The following KDM2A variants were observed in gnomAD, a reference collection of about 807,000 sequenced individuals.
The protein encoded by KDM2A is lysine demethylase 2A, also known as lysine-specific demethylase 2A.
A neutral mutation model predicts 137.3 loss-of-function variants in KDM2A; 3 were observed. The ratio of observed to expected loss-of-function variants is 0.02; its 90% CI spans 0.01 to 0.06. The LOEUF is 0.06. Among genes scored for constraint, KDM2A ranks in the 10% least tolerant of loss-of-function variants. The pLI is 1.00. For missense variants in KDM2A, 738 were observed against 1,510.6 expected (o/e 0.49, Z 8.48); for synonymous variants, 512 against 541.5 (o/e 0.95, Z 0.76).
At chr11:67,247,072 T>TATAA (rs1491570916) in intron 15 of KDM2A, among the ~76,000 whole-genome samples, 7 of 18,342 alleles carry the variant, frequency 3.8e-4, no homozygotes, top group East Asian at 3.1e-3. Flanking sequence ...TATATATATA[T>TATAA]TTTTTTTTTT....
intron 2 of KDM2A, among the ~76,000 whole-genome samples, chr11:67,140,365 CA>C (rs371166964): frequency 0.018 from 2,630 of 147,432 alleles, 72 homozygotes; most frequent in African/African-American, 0.061. Context: ...GATCTTGTCT[CA>C]AAAAAAAAAT....
intron 2 of KDM2A, among the ~76,000 whole-genome samples, chr11:67,166,406 G>A (rs1023938499): frequency 9.9e-5 from 15 of 151,946 alleles, no homozygotes; most frequent in East Asian, 3.9e-4. Flanking sequence ...GGCTGGTCTC[G>A]AACTCCTGAC....
chr11:67,166,219 C>CT (rs1416885304), intron 2 of KDM2A, among the ~76,000 whole-genome samples: 26 of 145,886 alleles, frequency 1.8e-4, no homozygotes, highest in Non-Finnish European at 3.0e-4. Flanking sequence ...CAGTCTCACT[C>CT]TATCGCCTAG....
At chr11:67,184,339 C>G (rs1257009976) in intron 5 of KDM2A, among the ~76,000 whole-genome samples, 2 of 151,742 alleles carry the variant, frequency 1.3e-5, no homozygotes, top group East Asian at 1.9e-4. Context: ...ACTAAAAATA[C>G]AAAAATTAGG....
intron 6 of KDM2A, among the ~76,000 whole-genome samples, chr11:67,208,857 T>C (rs1346374708): frequency 6.6e-6 from 1 of 151,838 alleles, no homozygotes; most frequent in Admixed American, 6.6e-5. Flanking sequence ...GACAGGAGAA[T>C]TGCTTGAGGC....
At chr11:67,140,802 C>G (rs1856083103) in intron 2 of KDM2A, among the ~76,000 whole-genome samples, 2 of 151,976 alleles carry the variant, frequency 1.3e-5, no homozygotes, top group African/African-American at 4.8e-5. Flanking sequence ...ATTAACCTTT[C>G]TGTCTCTAGT....
intron 2 of KDM2A, among the ~76,000 whole-genome samples, chr11:67,141,676 AAAAAAAAT>A (rs1856101842): frequency 1.3e-5 from 1 of 76,534 alleles, no homozygotes; most frequent in Non-Finnish European, 2.3e-5. Flanking sequence ...AAAAAAAAAA[AAAAAAAAT>A]ATATATATAT....
chr11:67,153,226 C>T (rs1254470651), intron 2 of KDM2A, among the ~76,000 whole-genome samples: 1 of 152,062 alleles, frequency 6.6e-6, no homozygotes, highest in Non-Finnish European at 1.5e-5. Flanking sequence ...ATTGGGTGAT[C>T]GACCCGCCTC....
Position 67,141,627 on chromosome 11 carries a change from A to G in KDM2A, c.42+20269A>G, listed in dbSNP as rs1590716277. Among the ~76,000 whole-genome samples the G allele has an allele frequency of 4.3e-5, 6 of 140,528 alleles. No homozygotes were observed. In the South Asian group the frequency reaches 1.4e-3, roughly 32 times the overall value. The allele number at this position is 140,528 out of a possible 152,430, so 92.2% of individuals were successfully genotyped here. ...GCTTGCAGTGAGCTGAGATCGTGCC[A>G]CTGTATTCCAGCCTGGGCGACAGAA... On this transcript the variant is annotated intron_variant, in intron 2 of 20. Transcript: ENST00000529006.
intron 6 of KDM2A, among the ~76,000 whole-genome samples, chr11:67,212,989 A>G (rs1405026825): frequency 2.6e-5 from 4 of 152,188 alleles, no homozygotes; most frequent in African/African-American, 7.2e-5. Flanking sequence ...GGCTTATTCA[A>G]TGTTCTGGGA....
intron 2 of KDM2A, among the ~76,000 whole-genome samples, chr11:67,132,854 T>C (rs777821199): frequency 6.6e-6 from 1 of 152,200 alleles, no homozygotes; most frequent in Non-Finnish European, 1.5e-5. Context: ...AGTTGGGGCC[T>C]AGCAATCTGT....
intron 2 of KDM2A, among the ~76,000 whole-genome samples, chr11:67,151,822 A>G (rs962107174): frequency 1.3e-5 from 2 of 152,058 alleles, no homozygotes; most frequent in Non-Finnish European, 1.5e-5. Flanking sequence ...CTAGCTTACT[A>G]TAGCCTTGAA....
intron 2 of KDM2A, among the ~76,000 whole-genome samples, chr11:67,154,136 A>G (rs1450424768): frequency 1.3e-5 from 2 of 152,202 alleles, no homozygotes; most frequent in Non-Finnish European, 2.9e-5. Context: ...TATGCATTAT[A>G]TTTGACTGTT....
Position 67,254,390 on chromosome 11 carries a change from C to T in KDM2A, c.3279C>T (p.Arg1093=), listed in dbSNP as rs371905693. Residue 1093 remains arginine (R), a synonymous_variant, in exon 20 of 21, where the codon CGC becomes CGT. Transcript: ENST00000529006. This position sits in a 1 kb window ranked among gnomAD's most constrained non-coding sequence, Gnocchi z 4.7. ...TCACTGCTGTCGGGTCTTCCACTCG[C>T]TACTCTCTCACAGAGCTCAATATGG... ...NLLTAVGSST[R]YSLTELNMAG... The T allele has an allele frequency of 3.7e-6, 6 of 1,614,050 alleles. No homozygotes were observed. In the African/African-American group the frequency reaches 6.7e-5, roughly 18 times the overall value.
intron 12 of KDM2A, chr11:67,240,451 GAA>G (rs770874733): frequency 8.4e-6 from 10 of 1,195,218 alleles, no homozygotes; most frequent in Non-Finnish European, 1.2e-5. Flanking sequence ...AGAGGCAGGA[GAA>G]ACTGCCTGCC....
intron 2 of KDM2A, among the ~76,000 whole-genome samples, chr11:67,124,718 T>C (rs928719717): frequency 8.6e-5 from 13 of 151,692 alleles, no homozygotes; most frequent in Admixed American, 2.0e-4. Context: ...TTTTTCTTTT[T>C]TTCTTTAAGT....
chr11:67,248,424 G>A, intron 16 of KDM2A, 54 bp downstream of exon 16: 1 of 1,229,776 alleles, frequency 8.1e-7, no homozygotes, highest in African/African-American at 1.5e-5. Context: ...ATCAAATGTG[G>A]GGGATTGCTA....
At chr11:67,171,260 G>A (rs918838567) in intron 2 of KDM2A, among the ~76,000 whole-genome samples, 1 of 152,134 alleles carries the variant, frequency 6.6e-6, no homozygotes, top group African/African-American at 2.4e-5. Flanking sequence ...CCACCATCAG[G>A]TCTCCCTCAG....
At chr11:67,228,207 C>G (rs758826343) in intron 11 of KDM2A, 44 bp downstream of exon 11, 8 of 1,596,190 alleles carry the variant, frequency 5.0e-6, no homozygotes, top group Non-Finnish European at 6.9e-6. Context: ...CCGCTTAGGT[C>G]TGAGGGTGAG....
Sources: gnomAD v4.1 joint callset for allele counts (sites outside exome capture counted in the v4.1 genomes callset) on GRCh38, gnomAD v4.1.1 for gene constraint, Gnocchi (gnomAD v3.1) non-coding constraint, MANE v1.5 for transcripts, NCBI Gene and HGNC (gene_info 2026-07-23, HGNC 2026-07-21) for gene names.